The following CDYL2 variants were observed in gnomAD, a reference collection of about 807,000 sequenced individuals.
CDYL2 encodes chromodomain Y like 2.
A neutral mutation model predicts 49.4 loss-of-function variants in CDYL2; 23 were observed. That is an observed-to-expected ratio of 0.47 (90% CI 0.34 to 0.66). The LOEUF is 0.66. Ranked by LOEUF, CDYL2 falls within the 30% of genes least tolerant of loss-of-function variation. CDYL2 has a pLI of 0.01. For missense variants in CDYL2, 678 were observed against 656.4 expected, an observed-to-expected ratio of 1.03 and a Z score of -0.36; for synonymous variants, 360 against 268.8, an observed-to-expected ratio of 1.34 and a Z score of -3.32.
chr16:80,758,744 G>A (rs923861995), intron 1 of CDYL2, among the ~76,000 whole-genome samples: 7 of 151,592 alleles, frequency 4.6e-5, no homozygotes, highest in East Asian at 1.9e-4. Flanking sequence ...GGGTTTCACC[G>A]TGTTAGCCAG....
chr16:80,634,984 A>G (rs1300406337), intron 2 of CDYL2, among the ~76,000 whole-genome samples: 1 of 152,240 alleles, frequency 6.6e-6, no homozygotes, highest in East Asian at 1.9e-4. Flanking sequence ...ATGAGGCTTG[A>G]GTTGCCCTAA....
chr16:80,775,218 ATAT>A (rs1484014240), intron 1 of CDYL2, among the ~76,000 whole-genome samples: 2 of 151,762 alleles, frequency 1.3e-5, no homozygotes, highest in Admixed American at 6.6e-5. Context: ...ATATAAAAAT[ATAT>A]TATAAGTGAA....
Position 80,719,242 on chromosome 16 carries a change from C to T in CDYL2, c.25-34113G>A, listed in dbSNP as rs1471218726. The stretch of plus-strand genomic sequence containing the variant: ...TGGAGTCTGAGGATCCCCAGAGGTA[C>T]CTGTAAAACTGAAGATTCCCAGGCC... On this transcript the variant is annotated intron_variant, in intron 1 of 6. Transcript: ENST00000570137. Among the ~76,000 whole-genome samples, 9 of 152,126 alleles carry T rather than the reference C, an allele frequency of 5.9e-5. No individual in the cohort carries two copies. In the South Asian group the frequency reaches 8.3e-4, roughly 14 times the overall value.
intron 2 of CDYL2, among the ~76,000 whole-genome samples, chr16:80,637,287 C>T (rs1907878203): frequency 6.6e-6 from 1 of 152,050 alleles, no homozygotes; most frequent in South Asian, 2.1e-4. Flanking sequence ...CTACAAAATA[C>T]CTACAGATAA....
At chr16:80,726,846 G>A in intron 1 of CDYL2, among the ~76,000 whole-genome samples, 1 of 151,730 alleles carries the variant, frequency 6.6e-6, no homozygotes, top group Non-Finnish European at 1.5e-5. Context: ...CCAACACTTT[G>A]GAGGCTGAGG....
At chr16:80,620,042 G>C (rs1170627283) in intron 4 of CDYL2, among the ~76,000 whole-genome samples, 1 of 152,308 alleles carries the variant, frequency 6.6e-6, no homozygotes, top group Middle Eastern at 3.4e-3. Context: ...TGACTTGTCT[G>C]ATTCCTAAGC....
chr16:80,671,401 C>G (rs925670732), intron 2 of CDYL2, among the ~76,000 whole-genome samples: 2 of 152,202 alleles, frequency 1.3e-5, no homozygotes, highest in African/African-American at 4.8e-5. Context: ...GCCACAAGTA[C>G]AACAGGGGGT....
At chr16:80,636,238 C>T (rs181046156) in intron 2 of CDYL2, among the ~76,000 whole-genome samples, 3 of 152,248 alleles carry the variant, frequency 2.0e-5, no homozygotes, top group East Asian at 1.9e-4. Context: ...AGCTTCTGTA[C>T]AGCAAAAGAA....
intron 1 of CDYL2, among the ~76,000 whole-genome samples, chr16:80,715,010 G>A (rs1409259216): frequency 6.6e-6 from 1 of 152,118 alleles, no homozygotes; most frequent in African/African-American, 2.4e-5. Flanking sequence ...AATCCCCAGA[G>A]AGAAACATCA....
At chr16:80,691,676 C>T in intron 1 of CDYL2, among the ~76,000 whole-genome samples, 1 of 152,098 alleles carries the variant, frequency 6.6e-6, no homozygotes, top group Non-Finnish European at 1.5e-5. Context: ...AAAATGTTCC[C>T]AGTACAATCA....
rs117136412 is a variant in CDYL2 at position 80,797,804 on chromosome 16, T to C, written c.24+6346A>G. Among the ~76,000 whole-genome samples, 1,467 of 152,324 alleles carry C rather than the reference T, an allele frequency of 9.6e-3. 13 individuals are homozygous for C. Among genetic ancestry groups the C allele is most frequent in the Middle Eastern group, 0.017 (5 of 294 alleles). On this transcript the variant is annotated intron_variant, in intron 1 of 6. Transcript: ENST00000570137. ...CCATCGCCATTACCACTCCCTTAGT[T>C]CAAGCCACCATCATCTTGTTTCAAT...
intron 2 of CDYL2, among the ~76,000 whole-genome samples, chr16:80,669,776 C>G (rs1339403141): frequency 6.6e-6 from 1 of 152,162 alleles, no homozygotes; most frequent in Non-Finnish European, 1.5e-5. Flanking sequence ...CCTGTCGGAA[C>G]TTGGACAAGG....
intron 3 of CDYL2, among the ~76,000 whole-genome samples, chr16:80,622,565 C>T (rs1907128808): frequency 6.6e-6 from 1 of 152,102 alleles, no homozygotes; most frequent in Non-Finnish European, 1.5e-5. Flanking sequence ...TCTTATTCTC[C>T]AGTGTATACT....
chr16:80,746,366 GA>G (rs1209361545), intron 1 of CDYL2, among the ~76,000 whole-genome samples: 6 of 152,174 alleles, frequency 3.9e-5, no homozygotes. Flanking sequence ...GCTGTGGGAA[GA>G]AAAAGGCTTC....
At chr16:80,608,041 G>A in intron 6 of CDYL2, 51 bp downstream of exon 6, 2 of 1,515,992 alleles carry the variant, frequency 1.3e-6, no homozygotes, top group Non-Finnish European at 8.9e-7. Context: ...GTCTTCATGT[G>A]TAAAATGGGT....
rs1343716164 is a variant in CDYL2, at chr16:80,599,476, T to G, written c.*4912A>C. On this transcript the variant is annotated 3_prime_UTR_variant, in exon 7 of 7. Transcript: ENST00000570137. ...GAAAAACAGTCCTGGATAGACATAT[T>G]CAGCTGATATGTTATGTTCTACATT... is the stretch of plus-strand genomic sequence containing the variant. 6.6e-6 allele frequency: 1 copy of G among 152,214 alleles called. No homozygotes were observed. The allele number at this position is 152,214 out of a possible 1,614,324, so 9.4% of individuals were successfully genotyped here. A position where few individuals can be genotyped will look rare whatever the true frequency, so the allele number is the denominator to read the frequency against.
rs1302358682 is a variant in CDYL2 at position 80,604,230 on chromosome 16, C to G, written c.*158G>C. On this transcript the variant is annotated 3_prime_UTR_variant, in exon 7 of 7. Coordinates refer to ENST00000570137, the MANE Select transcript of CDYL2 (RefSeq NM_152342.4). ...GCGTTTTCCATCCATTACACAAAAT[C>G]AAACCAAGGAGGAGCAACCAAAGGA... 1.3e-6 allele frequency: 1 copy of G among 796,976 alleles called. No individual in the cohort carries two copies. The highest frequency in any genetic ancestry group is 2.0e-6 in the Non-Finnish European group (1 of 504,380). The allele number at this position is 796,976 out of a possible 1,614,324, so 49.4% of individuals were successfully genotyped here.
intron 2 of CDYL2, among the ~76,000 whole-genome samples, chr16:80,674,948 A>G (rs75690435): frequency 6.6e-6 from 1 of 152,172 alleles, no homozygotes; most frequent in Non-Finnish European, 1.5e-5. Context: ...TGATGTGTGC[A>G]TGAGTGTGTG....
intron 2 of CDYL2, among the ~76,000 whole-genome samples, chr16:80,656,143 G>C (rs1908800042): frequency 6.6e-6 from 1 of 152,240 alleles, no homozygotes; most frequent in African/African-American, 2.4e-5. Flanking sequence ...TCTTCGGGCT[G>C]TTTTGAACTC....
Sources: allele counts gnomAD v4.1 joint callset (sites outside exome capture counted in the v4.1 genomes callset), GRCh38; gene constraint gnomAD v4.1.1; transcripts MANE v1.5; gene names NCBI Gene and HGNC (gene_info 2026-07-23, HGNC 2026-07-21).